The following VPS50 variants were observed in gnomAD, a reference collection of about 807,000 sequenced individuals.
VPS50 encodes VPS50 subunit of EARP/GARPII complex.
A neutral mutation model predicts 139.7 loss-of-function variants in VPS50; 70 were observed. That is an observed-to-expected ratio of 0.50 (90% CI 0.41 to 0.61). VPS50 has a LOEUF of 0.61. Among genes scored for constraint, VPS50 ranks in the 20% least tolerant of loss-of-function variants. VPS50 has a pLI of 0.00. For missense variants in VPS50, 921 were observed against 1,133.7 expected (o/e 0.81, Z 2.69); for synonymous variants, 365 against 376.7 (o/e 0.97, Z 0.36).
In VPS50 at chr7:93,358,500, G is replaced by GT. The variant is rs1349224811; in HGVS notation, c.*71dup. 1.1e-5 allele frequency: 15 copies of GT among 1,372,248 alleles called. No homozygotes were observed. Among genetic ancestry groups the GT allele is most frequent in the East Asian group, 2.3e-5 (1 of 43,248 alleles). The allele number at this position is 1,372,248 out of a possible 1,614,324, so 85.0% of individuals were successfully genotyped here. ...CTCAACATATATGACCTGAAAGCCA[G>GT]TTTTTTTATGCACTTCTGACAACTA... On this transcript the variant is annotated 3_prime_UTR_variant, in exon 28 of 28. Transcript: ENST00000305866.
chr7:93,246,080 T>A, intron 2 of VPS50: 1 of 1,500,458 alleles, frequency 6.7e-7, no homozygotes, highest in South Asian at 1.2e-5. Context: ...CACTAAACGC[T>A]TCTTTTTTTT....
chr7:93,301,600 A>G (rs973303627), intron 16 of VPS50, among the ~76,000 whole-genome samples: 2 of 152,212 alleles, frequency 1.3e-5, no homozygotes, highest in Non-Finnish European at 2.9e-5. Context: ...TGGAAGAGAC[A>G]GGAAGCAGAT....
intron 16 of VPS50, among the ~76,000 whole-genome samples, chr7:93,299,672 T>C (rs956854229): frequency 6.6e-6 from 1 of 152,154 alleles, no homozygotes; most frequent in African/African-American, 2.4e-5. Flanking sequence ...ATGTTAGTTG[T>C]GGTAGTTGTA....
At chr7:93,278,407 G>T (rs1237512934) in intron 12 of VPS50, among the ~76,000 whole-genome samples, 1 of 151,250 alleles carries the variant, frequency 6.6e-6, no homozygotes, top group Non-Finnish European at 1.5e-5. Context: ...TGGACAACAT[G>T]CAAAACCCTG....
chr7:93,277,506 G>C (rs1232577662), intron 12 of VPS50, among the ~76,000 whole-genome samples: 1 of 152,122 alleles, frequency 6.6e-6, no homozygotes, highest in East Asian at 1.9e-4. Context: ...ATCCTTCAAT[G>C]AATTTCTTTG....
intron 11 of VPS50, among the ~76,000 whole-genome samples, chr7:93,273,853 G>A (rs557764092): frequency 1.3e-5 from 2 of 152,234 alleles, no homozygotes; most frequent in South Asian, 4.1e-4. Flanking sequence ...CAGTATGCAT[G>A]CATGTACTTC....
chr7:93,336,905 G>A (rs1584482994), intron 22 of VPS50, among the ~76,000 whole-genome samples: 1 of 152,166 alleles, frequency 6.6e-6, no homozygotes, highest in Non-Finnish European at 1.5e-5. Context: ...TAGTACATTG[G>A]TGGTAGGAAA....
At chr7:93,282,161 G>A (rs2078063674) in intron 12 of VPS50, among the ~76,000 whole-genome samples, 1 of 150,940 alleles carries the variant, frequency 6.6e-6, no homozygotes, top group South Asian at 2.1e-4. Context: ...CTGAGATTGC[G>A]CCACTGCACT....
At chr7:93,351,380 T>C (rs189097827) in intron 25 of VPS50, among the ~76,000 whole-genome samples, 92 of 152,152 alleles carry the variant, frequency 6.0e-4, no homozygotes, top group South Asian at 1.0e-3. Flanking sequence ...TTTTAACAAT[T>C]CTGTTTTTGA....
intron 20 of VPS50, among the ~76,000 whole-genome samples, chr7:93,319,914 CT>C (rs1341795309): frequency 2.0e-5 from 3 of 151,784 alleles, no homozygotes; most frequent in Non-Finnish European, 2.9e-5. Context: ...TATATTTTTA[CT>C]TTTAAGAAGT....
chr7:93,249,304 C>CAGAGAGAGAGAGAGAG (rs994697486), intron 2 of VPS50, among the ~76,000 whole-genome samples: 1 of 149,188 alleles, frequency 6.7e-6, no homozygotes, highest in Non-Finnish European at 1.5e-5. Flanking sequence ...GAGAGAGACA[C>CAGAGAGAGAGAGAGAG]AGAGAGAGAG....
intron 6 of VPS50, chr7:93,257,886 T>A: frequency 3.5e-6 from 1 of 289,718 alleles, no homozygotes; most frequent in Non-Finnish European, 6.3e-6. Context: ...ATTCTGTCAG[T>A]TTTTGCACTG....
intron 19 of VPS50, among the ~76,000 whole-genome samples, chr7:93,310,154 C>G (rs1262632417): frequency 6.6e-6 from 1 of 151,978 alleles, no homozygotes; most frequent in Non-Finnish European, 1.5e-5. Context: ...TTGAAATGTA[C>G]AAGTAAGATA....
At chr7:93,337,797 A>G (rs1051066618) in intron 22 of VPS50, among the ~76,000 whole-genome samples, 2 of 152,114 alleles carry the variant, frequency 1.3e-5, no homozygotes, top group Non-Finnish European at 2.9e-5. Context: ...GCATTCATAC[A>G]TACCTAGTAA....
intron 20 of VPS50, among the ~76,000 whole-genome samples, chr7:93,319,279 C>G (rs1373017412): frequency 6.6e-6 from 1 of 152,098 alleles, no homozygotes. Flanking sequence ...CCACACTTCT[C>G]TCTGTGTCTC....
intron 26 of VPS50, 130 bp from the exon 27 acceptor site, chr7:93,355,761 C>G: frequency 2.0e-6 from 1 of 508,522 alleles, no homozygotes. Flanking sequence ...CTTATGTTCT[C>G]TATTTCCTAT....
chr7:93,276,833 A>G (rs1485792394), intron 12 of VPS50, among the ~76,000 whole-genome samples: 2 of 152,284 alleles, frequency 1.3e-5, no homozygotes, highest in Non-Finnish European at 2.9e-5. Flanking sequence ...TGTGAGGAAA[A>G]GAGAATGATG....
intron 16 of VPS50, among the ~76,000 whole-genome samples, chr7:93,300,773 A>C (rs1354799551): frequency 1.3e-5 from 2 of 151,744 alleles, no homozygotes; most frequent in Non-Finnish European, 2.9e-5. Flanking sequence ...GCTGTTGTTG[A>C]TGTTGTTTTA....
chr7:93,346,030 G>C (rs1441117996), intron 23 of VPS50, among the ~76,000 whole-genome samples: 1 of 152,188 alleles, frequency 6.6e-6, no homozygotes, highest in Non-Finnish European at 1.5e-5. Flanking sequence ...AAAAGAGGAA[G>C]TCAAATTGTC....
Sources: allele counts gnomAD v4.1 joint callset (sites outside exome capture counted in the v4.1 genomes callset), GRCh38; gene constraint gnomAD v4.1.1; transcripts MANE v1.5; gene names NCBI Gene and HGNC (gene_info 2026-07-23, HGNC 2026-07-21).